GBE1: variants seen among roughly 807,000 people sequenced by gnomAD.
GBE1 encodes 1,4-alpha-glucan-branching enzyme.
Under a neutral mutation model 88.8 loss-of-function variants are expected in GBE1, and 70 were observed. The observed-to-expected ratio is 0.79, with a 90% CI of 0.65 to 0.96. The LOEUF (loss-of-function observed/expected upper bound fraction) is 0.96. Ranked by LOEUF, GBE1 falls within the 40% of genes least tolerant of loss-of-function variation. GBE1 has a pLI of 0.00. For synonymous variants in GBE1, 284 were observed against 300.1 expected, an observed-to-expected ratio of 0.95 and a Z score of 0.56; for missense variants, 872 against 871.0, an observed-to-expected ratio of 1.00 and a Z score of -0.01.
At chr3:81,710,990 G>T (rs753756072) in intron 1 of GBE1, among the ~76,000 whole-genome samples, 100 of 152,162 alleles carry the variant, frequency 6.6e-4, no homozygotes, top group Non-Finnish European at 1.2e-3. Context: ...GGGACGGAGG[G>T]GCGGCAGGGA....
intron 12 of GBE1, among the ~76,000 whole-genome samples, chr3:81,560,049 T>A (rs1703396751): frequency 6.6e-6 from 1 of 152,006 alleles, no homozygotes; most frequent in Non-Finnish European, 1.5e-5. Flanking sequence ...CTTGCTTTAA[T>A]AAATAAAATG....
At chr3:81,612,982 T>A (rs2106995648) in intron 7 of GBE1, 1 of 437,792 alleles carries the variant, frequency 2.3e-6, no homozygotes, top group African/African-American at 2.1e-5. Flanking sequence ...GAGGAAGGAT[T>A]AGAAGATACT....
chr3:81,699,944 T>A (rs1327125624), intron 2 of GBE1, among the ~76,000 whole-genome samples: 1 of 152,258 alleles, frequency 6.6e-6, no homozygotes, highest in Non-Finnish European at 1.5e-5. Context: ...GCTAATGAAA[T>A]GTAAGTGCAA....
chr3:81,627,796 GTTC>G (rs1704440055), intron 7 of GBE1, among the ~76,000 whole-genome samples: 1 of 149,224 alleles, frequency 6.7e-6, no homozygotes, highest in Non-Finnish European at 1.5e-5. Flanking sequence ...TGTTGTTGTT[GTTC>G]TTGTTATTTT....
chr3:81,615,022 CAA>C (rs1023206443), intron 7 of GBE1, among the ~76,000 whole-genome samples: 5 of 115,062 alleles, frequency 4.3e-5, no homozygotes, highest in African/African-American at 9.6e-5. Context: ...ACTTTTTTCT[CAA>C]AAAAAAAAAA....
intron 7 of GBE1, among the ~76,000 whole-genome samples, chr3:81,613,716 T>A (rs1025291173): frequency 2.0e-5 from 3 of 152,088 alleles, no homozygotes; most frequent in Non-Finnish European, 2.9e-5. Context: ...TCAAAATAAA[T>A]CCTCCCCTAA....
At chr3:81,613,558 A>C (rs1320058579) in intron 7 of GBE1, among the ~76,000 whole-genome samples, 2 of 152,112 alleles carry the variant, frequency 1.3e-5, no homozygotes, top group African/African-American at 4.8e-5. Context: ...GAAAAAAAAA[A>C]CTTAAACAAT....
intron 1 of GBE1, 73 bp downstream of exon 1, chr3:81,761,302 G>A: frequency 6.6e-7 from 1 of 1,518,948 alleles, no homozygotes; most frequent in Non-Finnish European, 8.9e-7. Context: ...GCCGAGGGGC[G>A]GCCCGTGTCC....
chr3:81,612,361 A>C lies in GBE1; in HGVS notation c.993-18338T>G, dbSNP rs1011228407. On this transcript the variant is annotated intron_variant, in intron 7 of 15. Coordinates refer to ENST00000429644, the MANE Select transcript of GBE1 (RefSeq NM_000158.4). ...TCCATTTGATTTCGGTGGACTTTGAAGATGGATCACCACGCTCATTAGGAT... is the reference window on the plus strand; with the variant it reads ...TCCATTTGATTTCGGTGGACTTTGACGATGGATCACCACGCTCATTAGGAT... The C allele has an allele frequency of 3.8e-5, 30 of 795,924 alleles. No homozygotes were observed. In the South Asian group the frequency reaches 3.9e-4, roughly 10 times the overall value. The allele number at this position is 795,924 out of a possible 1,614,324, so 49.3% of individuals were successfully genotyped here. A position where few individuals can be genotyped will look rare whatever the true frequency, so the allele number is the denominator to read the frequency against.
chr3:81,711,866 A>G (rs374868139), intron 1 of GBE1, among the ~76,000 whole-genome samples: 3 of 152,096 alleles, frequency 2.0e-5, no homozygotes, highest in Non-Finnish European at 2.9e-5. Flanking sequence ...AAGTGAACAG[A>G]CAACCTACAG....
chr3:81,743,412 C>A, intron 1 of GBE1: 2 of 549,402 alleles, frequency 3.6e-6, no homozygotes, highest in East Asian at 3.1e-5. Context: ...TAAAAAGACA[C>A]AAGGCACACA....
chr3:81,560,744 G>A (rs979655109), intron 12 of GBE1, among the ~76,000 whole-genome samples: 1 of 151,920 alleles, frequency 6.6e-6, no homozygotes, highest in Admixed American at 6.6e-5. Flanking sequence ...ATAATTGTGT[G>A]CAAACGAAGT....
chr3:81,636,389 C>CAT (rs1704591611), intron 7 of GBE1, among the ~76,000 whole-genome samples: 1 of 152,146 alleles, frequency 6.6e-6, no homozygotes, highest in East Asian at 1.9e-4. Flanking sequence ...AAGTTATTAA[C>CAT]ATACTGTGAG....
In GBE1 at chr3:81,606,147, A is replaced by C. The variant is rs562287086; in HGVS notation, c.993-12124T>G. 1.6e-4 allele frequency among the ~76,000 whole-genome samples: 24 copies of C among 152,310 alleles called. No homozygotes were observed. In the East Asian group the frequency reaches 4.1e-3, roughly 26 times the overall value. ...TACTAGAAGAAACCTTGCGTTTACA[A>C]TGCTAGTGATGCACACTCTAGGAAA... On this transcript the variant is annotated intron_variant, in intron 7 of 15. Coordinates refer to ENST00000429644, the MANE Select transcript of GBE1 (RefSeq NM_000158.4).
rs564458344 is a variant in GBE1, at chr3:81,636,616, C to T, written c.992+6165G>A. Among the ~76,000 whole-genome samples, 41 of 151,738 alleles carry T rather than the reference C, an allele frequency of 2.7e-4. No individual in the cohort carries two copies. In the South Asian group the frequency reaches 3.7e-3, roughly 14 times the overall value. On this transcript the variant is annotated intron_variant, in intron 7 of 15. Transcript: ENST00000429644. ...CGCAATCTCGGCTCACTGCAACCTC[C>T]GCCTCCCAGGTTCAAGCAATTCTCC... is the stretch of plus-strand genomic sequence containing the variant.
intron 9 of GBE1, among the ~76,000 whole-genome samples, chr3:81,587,006 G>A (rs1173524571): frequency 1.3e-5 from 2 of 152,124 alleles, no homozygotes; most frequent in Admixed American, 1.3e-4. Flanking sequence ...TGGCCAGGCT[G>A]TTCTCGAACT....
At chr3:81,563,289 T>C (rs552708561) in intron 12 of GBE1, among the ~76,000 whole-genome samples, 2 of 152,052 alleles carry the variant, frequency 1.3e-5, no homozygotes, top group Non-Finnish European at 2.9e-5. Flanking sequence ...ATTACTAATA[T>C]AGCAAAATTA....
intron 9 of GBE1, 95 bp downstream of exon 9, chr3:81,590,942 A>C (rs2106951956): frequency 9.3e-7 from 1 of 1,079,896 alleles, no homozygotes; most frequent in African/African-American, 1.6e-5. Context: ...TTACGCAATT[A>C]TTGACAACAT....
chr3:81,574,039 A>G (rs1489704945), intron 12 of GBE1, among the ~76,000 whole-genome samples: 1 of 152,204 alleles, frequency 6.6e-6, no homozygotes, highest in Non-Finnish European at 1.5e-5. Flanking sequence ...CATCATTATG[A>G]CTAAAAAACT....
Sources: gnomAD v4.1 joint callset for allele counts (sites outside exome capture counted in the v4.1 genomes callset) on GRCh38, gnomAD v4.1.1 for gene constraint, MANE v1.5 for transcripts, NCBI Gene and HGNC (gene_info 2026-07-23, HGNC 2026-07-21) for gene names.